Variants in PGM2L1 observed in about 807,000 individuals in gnomAD.
PGM2L1 encodes the protein phosphoglucomutase 2 like 1.
A neutral mutation model predicts 73.4 loss-of-function variants in PGM2L1; 35 were observed. The ratio of observed to expected loss-of-function variants is 0.48; its 90% CI spans 0.36 to 0.63. The LOEUF is 0.63. PGM2L1 is among the 30% of genes least tolerant of loss of function. The pLI is 0.00. For synonymous variants in PGM2L1, 225 were observed against 253.8 expected (o/e 0.89, Z 1.08); for missense variants, 570 against 742.0 (o/e 0.77, Z 2.69).
chr11:74,379,350 C>T (rs1209142479), intron 1 of PGM2L1, among the ~76,000 whole-genome samples: 3 of 152,114 alleles, frequency 2.0e-5, no homozygotes, highest in Non-Finnish European at 4.4e-5. Flanking sequence ...ACCTCCATGA[C>T]CCAAACGCCT....
Position 74,368,626 on chromosome 11 carries a change from C to G in PGM2L1, c.472-51G>C, listed in dbSNP as rs114654185. 5 of 1,416,664 alleles carry G rather than the reference C, an allele frequency of 3.5e-6. 1 individual carries two copies. The South Asian group carries it at 5.8e-5, about 16-fold the overall frequency. The allele number at this position is 1,416,664 out of a possible 1,614,324, so 87.8% of individuals were successfully genotyped here. A position where few individuals can be genotyped will look rare whatever the true frequency, so the allele number is the denominator to read the frequency against. On this transcript the variant is annotated intron_variant, in intron 4 of 13. Coordinates refer to ENST00000298198, the MANE Select transcript of PGM2L1 (RefSeq NM_173582.6). The stretch of plus-strand genomic sequence containing the variant: ...CCATTTTGCTTCCTAGCTATTTACA[C>G]ATTTGACATGAGAATAATTTTGATT...
At chr11:74,371,239 T>G (rs1862748638) in intron 3 of PGM2L1, among the ~76,000 whole-genome samples, 1 of 152,158 alleles carries the variant, frequency 6.6e-6, no homozygotes, top group Non-Finnish European at 1.5e-5. Flanking sequence ...ATTCATCTTT[T>G]GATGGCTCTT....
intron 1 of PGM2L1, among the ~76,000 whole-genome samples, chr11:74,384,906 C>G (rs1241374634): frequency 1.3e-5 from 2 of 152,186 alleles, no homozygotes; most frequent in Non-Finnish European, 2.9e-5. Flanking sequence ...CAACTTTTGT[C>G]CCGCTATACT....
intron 2 of PGM2L1, among the ~76,000 whole-genome samples, chr11:74,372,596 T>C (rs184408447): frequency 2.6e-4 from 40 of 152,334 alleles, no homozygotes; most frequent in Non-Finnish European, 1.5e-5. Flanking sequence ...CCTAACACCC[T>C]GAAAAGAAAG....
At chr11:74,344,244 G>A (rs1449178952) in intron 9 of PGM2L1, among the ~76,000 whole-genome samples, 1 of 151,952 alleles carries the variant, frequency 6.6e-6, no homozygotes, top group Non-Finnish European at 1.5e-5. Flanking sequence ...ACTAATATAA[G>A]AGTGCCTATG....
At chr11:74,369,622 G>C (rs1036121215) in intron 4 of PGM2L1, among the ~76,000 whole-genome samples, 2 of 152,206 alleles carry the variant, frequency 1.3e-5, no homozygotes, top group African/African-American at 4.8e-5. Context: ...TAAGATGCTG[G>C]AAGTGAATCC....
intron 4 of PGM2L1, 47 bp downstream of exon 4, chr11:74,370,855 G>A: frequency 6.8e-7 from 1 of 1,462,858 alleles, no homozygotes; most frequent in Non-Finnish European, 9.5e-7. Flanking sequence ...TTTAAGAAAT[G>A]TTTTCAAGAG....
rs1862041634 is a variant in PGM2L1, at chr11:74,333,282, G to A, written c.*3370C>T. On this transcript the variant is annotated 3_prime_UTR_variant, in exon 14 of 14. Coordinates refer to ENST00000298198, the MANE Select transcript of PGM2L1 (RefSeq NM_173582.6). ...CTTTCCATGCTGTCTTTAAAAAAAA[G>A]ATCCTTATTCCCTCTGGTTCTGTCT... 6.6e-6 allele frequency: 1 copy of A among 152,032 alleles called. No individual in the cohort carries two copies. Among genetic ancestry groups the A allele is most frequent in the Non-Finnish European group, 1.5e-5 (1 of 67,992 alleles). 9.4% of individuals were successfully genotyped at this position (152,032 alleles called of 1,614,324 possible).
rs1329632403 is a variant in PGM2L1, at chr11:74,336,032, A to T, written c.*620T>A. On this transcript the variant is annotated 3_prime_UTR_variant, in exon 14 of 14. Transcript: ENST00000298198. ...CAGTAAACATCAGAATTTTAAATAC[A>T]TACAGTAAATTTATACTGCACCAAG... The T allele has an allele frequency of 6.6e-6, 1 of 152,406 alleles. No homozygotes were observed. Among genetic ancestry groups the T allele is most frequent in the African/African-American group, 2.4e-5 (1 of 41,466 alleles). 9.4% of individuals were successfully genotyped at this position (152,406 alleles called of 1,614,324 possible).
At chr11:74,365,477 G>C (rs1333055427) in intron 5 of PGM2L1, among the ~76,000 whole-genome samples, 1 of 152,114 alleles carries the variant, frequency 6.6e-6, no homozygotes, top group East Asian at 1.9e-4. Context: ...CTGACAAAGG[G>C]CTAATATCCA....
chr11:74,369,053 G>A (rs1195112458), intron 4 of PGM2L1, among the ~76,000 whole-genome samples: 4 of 152,078 alleles, frequency 2.6e-5, no homozygotes, highest in Non-Finnish European at 5.9e-5. Flanking sequence ...AGTTACCACG[G>A]TAATATTAGC....
At chr11:74,350,596 G>A (rs1862334073) in intron 6 of PGM2L1, among the ~76,000 whole-genome samples, 1 of 152,130 alleles carries the variant, frequency 6.6e-6, no homozygotes. Context: ...GAAACTCTAG[G>A]CTGGGCATGG....
chr11:74,394,622 C>T (rs1863146942), intron 1 of PGM2L1, among the ~76,000 whole-genome samples: 1 of 152,194 alleles, frequency 6.6e-6, no homozygotes, highest in Admixed American at 6.5e-5. Context: ...CCAAAATTTT[C>T]TATGTACCCT....
At chr11:74,352,787 A>T (rs1385514189) in intron 5 of PGM2L1, among the ~76,000 whole-genome samples, 2 of 152,256 alleles carry the variant, frequency 1.3e-5, no homozygotes, top group Non-Finnish European at 1.5e-5. Context: ...TGGGAAAAAA[A>T]TAATTAAAAA....
rs1019008853 is a variant in PGM2L1 at position 74,398,319 on chromosome 11, T to G, written c.-158A>C. 4 of 1,181,266 alleles carry G rather than the reference T, an allele frequency of 3.4e-6. No individual in the cohort carries two copies. The highest frequency in any genetic ancestry group is 2.8e-4 in the Middle Eastern group (1 of 3,522). The allele number at this position is 1,181,266 out of a possible 1,614,324, so 73.2% of individuals were successfully genotyped here. On this transcript the variant is annotated 5_prime_UTR_variant, in exon 1 of 14. Transcript: ENST00000298198. ...GTTCGTAACAGCTCCTGCCGCGGCG[T>G]CAGGGAACCGGGAGAGAGGGGGTTT... is the stretch of plus-strand genomic sequence containing the variant.
intron 2 of PGM2L1, 55 bp from the exon 3 acceptor site, chr11:74,371,872 A>G (rs1225787204): frequency 5.7e-6 from 8 of 1,392,414 alleles, no homozygotes; most frequent in Non-Finnish European, 8.2e-6. Context: ...ATTTCATATG[A>G]CTCAGAATCT....
At position 74,398,048 on chromosome 11, in the gene PGM2L1, CACCT is replaced by C. The variant is rs1181394068; in HGVS notation, c.110_111+2del. 10 of 1,603,768 alleles carry C rather than the reference CACCT, an allele frequency of 6.2e-6. No individual in the cohort carries two copies. The highest frequency in any genetic ancestry group is 8.5e-6 in the Non-Finnish European group (10 of 1,174,444). On this transcript the variant is annotated splice_donor_variant and coding_sequence_variant, in exon 1 of 14. Coordinates refer to ENST00000298198, the MANE Select transcript of PGM2L1 (RefSeq NM_173582.6). LOFTEE classifies it high-confidence loss of function. ...GCGTTTGCCGGGCTGACCAGGTACC[CACCT>C]TATCCCAGCGGAGCCACTGCCCGAT...
intron 8 of PGM2L1, 97 bp from the exon 9 acceptor site, chr11:74,345,746 A>T (rs1862251709): frequency 2.0e-6 from 2 of 993,626 alleles, no homozygotes; most frequent in Non-Finnish European, 1.5e-6. Flanking sequence ...GTTAGGAAAA[A>T]TCAAAAACTA....
At chr11:74,395,679 T>C (rs570154137) in intron 1 of PGM2L1, among the ~76,000 whole-genome samples, 104 of 146,768 alleles carry the variant, frequency 7.1e-4, no homozygotes, top group African/African-American at 2.4e-3. Flanking sequence ...GGTGCTAGCA[T>C]TACAAGCGTG....
Sources: gnomAD v4.1 joint callset for allele counts (sites outside exome capture counted in the v4.1 genomes callset) on GRCh38, gnomAD v4.1.1 for gene constraint, MANE v1.5 for transcripts, NCBI Gene and HGNC (gene_info 2026-07-23, HGNC 2026-07-21) for gene names.